Variants in PTPRK observed in about 807,000 individuals in gnomAD.
PTPRK encodes the protein protein tyrosine phosphatase receptor type K.
A neutral mutation model predicts 178.0 loss-of-function variants in PTPRK; 75 were observed. That is an observed-to-expected ratio of 0.42 (90% CI 0.35 to 0.51). The LOEUF (loss-of-function observed/expected upper bound fraction) is 0.51. Ranked by LOEUF, PTPRK falls within the 20% of genes least tolerant of loss-of-function variation. The probability of loss-of-function intolerance (pLI) is 0.02; values close to 1 mark genes in which losing one functional copy is unlikely to be tolerated. For synonymous variants in PTPRK, 637 were observed against 620.6 expected, an observed-to-expected ratio of 1.03 and a Z score of -0.39; for missense variants, 1,441 against 1,797.8, an observed-to-expected ratio of 0.80 and a Z score of 3.59.
chr6:128,034,961 T>C (rs957387694), intron 13 of PTPRK, among the ~76,000 whole-genome samples: 1 of 152,168 alleles, frequency 6.6e-6, no homozygotes, highest in Non-Finnish European at 1.5e-5. Flanking sequence ...GAAACAGACA[T>C]GAAAATTTGC....
At chr6:128,323,988 T>C (rs1338460395) in intron 2 of PTPRK, among the ~76,000 whole-genome samples, 1 of 152,140 alleles carries the variant, frequency 6.6e-6, no homozygotes, top group Non-Finnish European at 1.5e-5. Flanking sequence ...TTCTATTCTT[T>C]ATTATATTCA....
chr6:128,005,331 G>C, intron 14 of PTPRK, 87 bp from the exon 15 acceptor site: 1 of 1,318,546 alleles, frequency 7.6e-7, no homozygotes, highest in Non-Finnish European at 1.1e-6. Context: ...AGGTGAGCCC[G>C]AGGATAATGT....
intron 7 of PTPRK, among the ~76,000 whole-genome samples, chr6:128,114,013 G>A (rs1455447832): frequency 6.6e-6 from 1 of 152,048 alleles, no homozygotes; most frequent in African/African-American, 2.4e-5. Flanking sequence ...TGATAATAAG[G>A]CATCAAGTAA....
chr6:128,112,783 G>C (rs1331459797), intron 7 of PTPRK, among the ~76,000 whole-genome samples: 2 of 152,108 alleles, frequency 1.3e-5, no homozygotes, highest in East Asian at 3.9e-4. Flanking sequence ...TTAGCACATA[G>C]AGTTCAGAGG....
chr6:128,359,989 G>A (rs1312337819), intron 2 of PTPRK, among the ~76,000 whole-genome samples: 3 of 151,998 alleles, frequency 2.0e-5, no homozygotes, highest in Non-Finnish European at 4.4e-5. Context: ...TTCTTGAGTG[G>A]TACAAGTTAG....
intron 1 of PTPRK, among the ~76,000 whole-genome samples, chr6:128,430,634 T>A (rs1222467430): frequency 6.6e-6 from 1 of 152,186 alleles, no homozygotes; most frequent in Non-Finnish European, 1.5e-5. Flanking sequence ...AAAAATTTAA[T>A]TCTGCTTTAA....
chr6:128,382,086 G>A (rs1303706084), intron 2 of PTPRK, among the ~76,000 whole-genome samples: 3 of 146,822 alleles, frequency 2.0e-5, no homozygotes, highest in Admixed American at 7.0e-5. Context: ...GGAAGGCTGA[G>A]GTGGGAGGAC....
intron 1 of PTPRK, among the ~76,000 whole-genome samples, chr6:128,466,835 G>A (rs1849905787): frequency 6.6e-6 from 1 of 152,010 alleles, no homozygotes; most frequent in Non-Finnish European, 1.5e-5. Flanking sequence ...TGAAATGTAA[G>A]AGAAAAATAA....
intron 1 of PTPRK, among the ~76,000 whole-genome samples, chr6:128,457,292 T>C (rs1023442549): frequency 2.6e-5 from 4 of 152,166 alleles, no homozygotes; most frequent in Admixed American, 2.0e-4. Context: ...GTTTACCATA[T>C]TCTTTTATTC....
At chr6:128,161,570 A>G (rs1024496230) in intron 7 of PTPRK, among the ~76,000 whole-genome samples, 1 of 151,618 alleles carries the variant, frequency 6.6e-6, no homozygotes, top group African/African-American at 2.4e-5. Context: ...AATTGCTTCT[A>G]TTTCCCTCTT....
intron 5 of PTPRK, among the ~76,000 whole-genome samples, chr6:128,237,146 T>C (rs949439038): frequency 4.6e-5 from 7 of 152,230 alleles, no homozygotes; most frequent in African/African-American, 1.4e-4. Context: ...TAGTATATCA[T>C]TTTTCCTTTG....
chr6:128,005,047 G>A, intron 15 of PTPRK, 37 bp downstream of exon 15: 2 of 1,547,380 alleles, frequency 1.3e-6, no homozygotes, highest in Non-Finnish European at 8.8e-7. Flanking sequence ...GAAATGAGTT[G>A]TAACATCATT....
chr6:128,333,819 C>G (rs1205231155), intron 2 of PTPRK, among the ~76,000 whole-genome samples: 2 of 152,330 alleles, frequency 1.3e-5, no homozygotes, highest in Middle Eastern at 6.8e-3. Context: ...CTAACAGGAA[C>G]AAGAGGCCCA....
chr6:128,279,926 A>C (rs994870883), intron 3 of PTPRK, among the ~76,000 whole-genome samples: 3 of 152,174 alleles, frequency 2.0e-5, no homozygotes, highest in Non-Finnish European at 4.4e-5. Flanking sequence ...AAAGCCTATC[A>C]TCAGGCAGTA....
At chr6:128,408,087 T>C (rs959387733) in intron 1 of PTPRK, among the ~76,000 whole-genome samples, 3 of 152,180 alleles carry the variant, frequency 2.0e-5, no homozygotes, top group African/African-American at 4.8e-5. Flanking sequence ...CAAGTAATTA[T>C]TAAAAATAAA....
rs750423577 is a variant in PTPRK at position 128,422,676 on chromosome 6, C to CAAAA, written c.101-24992_101-24989dup. ...AATAGTTTTTAACATTTCACGGACGCAAAAAAAAAAAAAAAAAAAAAAAAA... is the reference window on the plus strand; with the variant it reads ...AATAGTTTTTAACATTTCACGGACGCAAAAAAAAAAAAAAAAAAAAAAAAAAAAA... On this transcript the variant is annotated intron_variant, in intron 1 of 29. Transcript: ENST00000368226. Among the ~76,000 whole-genome samples, 43 of 14,716 alleles carry CAAAA rather than the reference C, an allele frequency of 2.9e-3. 7 individuals carry two copies. Among genetic ancestry groups the CAAAA allele is most frequent in the South Asian group, 0.01 (2 of 200 alleles). The allele number at this position is 14,716 out of a possible 152,430, so 9.7% of individuals were successfully genotyped here. A position where few individuals can be genotyped will look rare whatever the true frequency, so the allele number is the denominator to read the frequency against.
intron 5 of PTPRK, among the ~76,000 whole-genome samples, chr6:128,224,727 T>G (rs371170556): frequency 2.6e-5 from 4 of 152,184 alleles, no homozygotes; most frequent in African/African-American, 9.6e-5. Context: ...TAGGAATTGG[T>G]CAAGTTATTT....
chr6:128,103,171 C>G (rs888953966), intron 7 of PTPRK, among the ~76,000 whole-genome samples: 1 of 152,046 alleles, frequency 6.6e-6, no homozygotes, highest in Non-Finnish European at 1.5e-5. Context: ...AGGAGCTTGG[C>G]TGGGGAAGGC....
intron 2 of PTPRK, among the ~76,000 whole-genome samples, chr6:128,395,273 C>T (rs541543750): frequency 2.6e-5 from 4 of 152,228 alleles, no homozygotes; most frequent in South Asian, 2.1e-4. Flanking sequence ...CTGTTTCATT[C>T]GGCAAAGTGG....
Sources: allele counts gnomAD v4.1 joint callset (sites outside exome capture counted in the v4.1 genomes callset), GRCh38; gene constraint gnomAD v4.1.1; transcripts MANE v1.5; gene names NCBI Gene and HGNC (gene_info 2026-07-23, HGNC 2026-07-21).